CNTN6: variants seen among roughly 807,000 people sequenced by gnomAD.
CNTN6 encodes the protein contactin-6.
Under a neutral mutation model 122.8 loss-of-function variants are expected in CNTN6, and 137 were observed. The observed-to-expected ratio is 1.12, with a 90% CI of 0.97 to 1.29. The LOEUF (loss-of-function observed/expected upper bound fraction) is 1.29. CNTN6 is among the 50% of genes most tolerant of loss of function. CNTN6 has a pLI of 0.00. For missense variants in CNTN6, 1,634 were observed against 1,223.4 expected, an observed-to-expected ratio of 1.34 and a Z score of -5.01; for synonymous variants, 570 against 426.0, an observed-to-expected ratio of 1.34 and a Z score of -4.16.
At chr3:1,329,577 A>C (rs1702005861) in intron 10 of CNTN6, among the ~76,000 whole-genome samples, 2 of 151,818 alleles carry the variant, frequency 1.3e-5, no homozygotes, top group African/African-American at 4.8e-5. Flanking sequence ...TCTCTAAGGT[A>C]ATATCTTTTG....
Position 1,123,487 on chromosome 3 carries a change from AT to A in CNTN6, c.-82-24434del, listed in dbSNP as rs2092040052. Reference sequence around the variant, plus strand: ...AGGAACATAACTAATTTTTGTCCTTATTTTTTATTTGTTTTTTAATTTAGTT... The same window carrying A: ...AGGAACATAACTAATTTTTGTCCTTATTTTTATTTGTTTTTTAATTTAGTT... On this transcript the variant is annotated intron_variant, in intron 1 of 22. Coordinates refer to ENST00000446702, the MANE Select transcript of CNTN6 (RefSeq NM_001289080.2). Among the ~76,000 whole-genome samples the A allele has an allele frequency of 2.0e-5, 3 of 149,808 alleles. No homozygotes were observed. In the East Asian group the frequency reaches 5.8e-4, roughly 29 times the overall value.
intron 22 of CNTN6, among the ~76,000 whole-genome samples, chr3:1,403,076 C>A (rs1463812212): frequency 6.6e-6 from 1 of 152,132 alleles, no homozygotes; most frequent in Non-Finnish European, 1.5e-5. Flanking sequence ...GTTGGCCAAT[C>A]CTTTAGGCAG....
At chr3:1,211,629 C>T (rs369512285) in intron 2 of CNTN6, among the ~76,000 whole-genome samples, 2 of 152,060 alleles carry the variant, frequency 1.3e-5, no homozygotes, top group African/African-American at 4.8e-5. Context: ...TCATTCTCTC[C>T]ATCATTCTGT....
At chr3:1,232,929 C>T (rs1247236490) in intron 4 of CNTN6, among the ~76,000 whole-genome samples, 6 of 152,140 alleles carry the variant, frequency 3.9e-5, no homozygotes, top group African/African-American at 1.4e-4. Context: ...AGAGGAAATG[C>T]AGATGTGTGA....
intron 5 of CNTN6, among the ~76,000 whole-genome samples, chr3:1,289,676 G>GTTTT (rs11438242): frequency 2.9e-5 from 4 of 137,808 alleles, no homozygotes; most frequent in African/African-American, 8.0e-5. Context: ...GTTTTTTTGG[G>GTTTT]TTTTTTTTTT....
chr3:1,278,621 C>T, intron 5 of CNTN6, 113 bp downstream of exon 5: 1 of 647,240 alleles, frequency 1.5e-6, no homozygotes, highest in South Asian at 2.4e-5. Flanking sequence ...GAAATTGTGA[C>T]TCTCGTCAAG....
chr3:1,157,219 TA>T (rs201708513), intron 2 of CNTN6, among the ~76,000 whole-genome samples: 6,901 of 114,938 alleles, frequency 0.06, 259 homozygotes, highest in African/African-American at 0.14. Flanking sequence ...TTTATTTATT[TA>T]ATTTATTTAT....
At chr3:1,120,094 CCACAATTTGTTTATCCATT>C (rs2091893403) in intron 1 of CNTN6, among the ~76,000 whole-genome samples, 2 of 151,706 alleles carry the variant, frequency 1.3e-5, no homozygotes, top group South Asian at 4.2e-4. Flanking sequence ...ATTCCATATG[CCACAATTTGTTTATCCATT>C]CACCTATTGA....
rs1441819441 is a variant in CNTN6, at chr3:1,300,605, G to GAAAGAA, written c.761+2615_761+2616insAAGAAA. On this transcript the variant is annotated intron_variant, in intron 7 of 22. Coordinates refer to ENST00000446702, the MANE Select transcript of CNTN6 (RefSeq NM_001289080.2). ...AGAAAGAAAGAAAGAAAGAAAGAAA[G>GAAAGAA]AGAGAAAGAAAGGAAGAAAAGGAGA... Among the ~76,000 whole-genome samples the GAAAGAA allele has an allele frequency of 5.4e-4, 63 of 117,464 alleles. 1 individual carries two copies. The highest frequency in any genetic ancestry group is 3.5e-3 in the African/African-American group (58 of 16,738). 77.1% of individuals were successfully genotyped at this position (117,464 alleles called of 152,430 possible). A position where few individuals can be genotyped will look rare whatever the true frequency, so the allele number is the denominator to read the frequency against.
At chr3:1,095,245 G>A (rs1012555456) in intron 1 of CNTN6, among the ~76,000 whole-genome samples, 1 of 152,028 alleles carries the variant, frequency 6.6e-6, no homozygotes, top group African/African-American at 2.4e-5. Context: ...GGCCGAGGCG[G>A]GCGGATCACG....
intron 6 of CNTN6, among the ~76,000 whole-genome samples, chr3:1,296,088 C>T (rs919073149): frequency 2.6e-5 from 4 of 151,990 alleles, no homozygotes; most frequent in African/African-American, 4.8e-5. Flanking sequence ...AACGATGTTC[C>T]GGGGAGTTGG....
In CNTN6 at chr3:1,314,198, A is replaced by G. The variant is rs575708290; in HGVS notation, c.762-7452A>G. ...TATCCATATTGTATTGCCATAGGAC[A>G]ATCTTACATTCCAAGCTCTTTGTAT... On this transcript the variant is annotated intron_variant, in intron 7 of 22. Coordinates refer to ENST00000446702, the MANE Select transcript of CNTN6 (RefSeq NM_001289080.2). 5.3e-5 allele frequency among the ~76,000 whole-genome samples: 8 copies of G among 152,236 alleles called. No individual in the cohort carries two copies. In the South Asian group the frequency reaches 1.7e-3, roughly 32 times the overall value.
chr3:1,368,362 TA>T (rs1708523362), intron 12 of CNTN6, among the ~76,000 whole-genome samples: 1 of 152,190 alleles, frequency 6.6e-6, no homozygotes, highest in African/African-American at 2.4e-5. Context: ...TATAAAGAGT[TA>T]AATCTTTTTA....
At chr3:1,395,099 T>C (rs1694824900) in intron 20 of CNTN6, among the ~76,000 whole-genome samples, 1 of 152,120 alleles carries the variant, frequency 6.6e-6, no homozygotes, top group Non-Finnish European at 1.5e-5. Flanking sequence ...TCAGTGACCC[T>C]ATAAAAATAG....
At chr3:1,199,438 C>A (rs974927814) in intron 2 of CNTN6, among the ~76,000 whole-genome samples, 6 of 151,972 alleles carry the variant, frequency 3.9e-5, no homozygotes, top group South Asian at 2.1e-4. Context: ...CCTTGGCCCC[C>A]CAAAGTGCTG....
chr3:1,246,962 G>A (rs575902973), intron 4 of CNTN6, among the ~76,000 whole-genome samples: 2 of 152,102 alleles, frequency 1.3e-5, no homozygotes, highest in South Asian at 2.1e-4. Context: ...CTACTGTGTC[G>A]CTTGCCTTTT....
chr3:1,289,029 A>C (rs1224479506), intron 5 of CNTN6, among the ~76,000 whole-genome samples: 1 of 152,244 alleles, frequency 6.6e-6, no homozygotes, highest in Non-Finnish European at 1.5e-5. Flanking sequence ...CACAGGGAAA[A>C]TGCATCACAA....
At chr3:1,264,044 A>T (rs994316372) in intron 4 of CNTN6, among the ~76,000 whole-genome samples, 7 of 152,102 alleles carry the variant, frequency 4.6e-5, no homozygotes, top group African/African-American at 1.4e-4. Context: ...CAGGAAAATA[A>T]AATGGCAGCT....
At chr3:1,403,212 T>C (rs760621062) in intron 22 of CNTN6, 106 bp from the exon 23 acceptor site, 21 of 644,582 alleles carry the variant, frequency 3.3e-5, no homozygotes, top group South Asian at 1.2e-4. Flanking sequence ...TAATAAAATA[T>C]GTTACTAGAA....
Sources: gnomAD v4.1 joint callset for allele counts (sites outside exome capture counted in the v4.1 genomes callset) on GRCh38, gnomAD v4.1.1 for gene constraint, MANE v1.5 for transcripts, NCBI Gene and HGNC (gene_info 2026-07-23, HGNC 2026-07-21) for gene names.